The following IBTK variants were observed in gnomAD, a reference collection of about 807,000 sequenced individuals.
IBTK encodes BTK-binding protein.
In IBTK, 83 loss-of-function variants were observed where a neutral mutation model predicts 154.9. The ratio of observed to expected loss-of-function variants is 0.54; its 90% CI spans 0.45 to 0.64. The LOEUF (loss-of-function observed/expected upper bound fraction) is 0.64, where lower values mean the gene tolerates loss of function less well. IBTK is among the 30% of genes least tolerant of loss of function. The pLI, the probability that IBTK is intolerant of heterozygous loss-of-function variation, is 0.00. For missense variants in IBTK, 1,332 were observed against 1,584.6 expected (o/e 0.84, Z 2.71); for synonymous variants, 515 against 536.1 (o/e 0.96, Z 0.54).
chr6:82,240,121 CAT>C, intron 2 of IBTK, 43 bp downstream of exon 2: 1 of 1,496,370 alleles, frequency 6.7e-7, no homozygotes, highest in Non-Finnish European at 9.1e-7. Context: ...TTAAGAAAAA[CAT>C]ATTCCAGACT....
intron 6 of IBTK, 109 bp downstream of exon 6, chr6:82,225,362 ATAAAGT>A: frequency 1.5e-6 from 1 of 678,440 alleles, no homozygotes; most frequent in Non-Finnish European, 2.4e-6. Flanking sequence ...ACCACTGAAG[ATAAAGT>A]TAAATAACAG....
At chr6:82,184,437 A>G (rs769623213) in intron 25 of IBTK, among the ~76,000 whole-genome samples, 1 of 152,248 alleles carries the variant, frequency 6.6e-6, no homozygotes, top group Non-Finnish European at 1.5e-5. Flanking sequence ...AAGCCAGGCC[A>G]CAAAGAAAAA....
intron 4 of IBTK, among the ~76,000 whole-genome samples, chr6:82,227,898 C>T (rs535028584): frequency 3.2e-4 from 48 of 151,244 alleles, no homozygotes; most frequent in African/African-American, 1.0e-3. Context: ...TTCCCACTTC[C>T]TTTTTCCTTA....
chr6:82,247,422 C>T (rs1336237454), intron 1 of IBTK, 140 bp downstream of exon 1: 1 of 395,174 alleles, frequency 2.5e-6, no homozygotes, highest in Non-Finnish European at 4.5e-6. Flanking sequence ...GCCTCGGGGC[C>T]ACAGAGTCCC....
intron 23 of IBTK, among the ~76,000 whole-genome samples, chr6:82,192,628 T>TC (rs1326083825): frequency 1.3e-5 from 2 of 151,420 alleles, no homozygotes; most frequent in Admixed American, 1.3e-4. Context: ...GCGCCTGTAA[T>TC]CCCAGCTACT....
intron 1 of IBTK, among the ~76,000 whole-genome samples, chr6:82,242,662 G>C (rs529565106): frequency 2.4e-4 from 37 of 152,090 alleles, no homozygotes; most frequent in African/African-American, 8.9e-4. Context: ...AAATGTGTTT[G>C]GGGGCCGAGC....
chr6:82,217,536 G>T (rs374203123), intron 10 of IBTK, among the ~76,000 whole-genome samples: 1 of 152,014 alleles, frequency 6.6e-6, no homozygotes, highest in African/African-American at 2.4e-5. Context: ...TATATTAAAT[G>T]TTTACAGACT....
At chr6:82,230,478 T>C (rs544988298) in intron 4 of IBTK, among the ~76,000 whole-genome samples, 99 of 152,230 alleles carry the variant, frequency 6.5e-4, no homozygotes, top group Admixed American at 1.0e-3. Flanking sequence ...TTGAAATGAA[T>C]GGAGCCAAAA....
At chr6:82,237,450 G>A (rs66688199) in intron 2 of IBTK, among the ~76,000 whole-genome samples, 35,912 of 150,086 alleles carry the variant, frequency 0.24, 4,291 homozygotes, top group African/African-American at 0.28. Flanking sequence ...CCCTGGGGGG[G>A]AAAAAAAAAG....
At chr6:82,227,381 G>T in intron 4 of IBTK, 79 bp from the exon 5 acceptor site, 1 of 813,534 alleles carries the variant, frequency 1.2e-6, no homozygotes, top group Non-Finnish European at 1.9e-6. Flanking sequence ...ATAGAATATT[G>T]TTAATTGTTT....
At chr6:82,230,910 T>G (rs1582248778) in intron 4 of IBTK, among the ~76,000 whole-genome samples, 1 of 152,256 alleles carries the variant, frequency 6.6e-6, no homozygotes, top group Non-Finnish European at 1.5e-5. Flanking sequence ...TACAATTACT[T>G]ACATTTAAGA....
Position 82,193,426 on chromosome 6 carries a change from T to A in IBTK, c.3338+1053A>T, listed in dbSNP as rs767759972. ...AAATATTTACCAATTTGTGTACTTA[T>A]GCAAAAAAAAAAATTGAAACTAATT... On this transcript the variant is annotated intron_variant, in intron 23 of 28. Coordinates refer to ENST00000306270, the MANE Select transcript of IBTK (RefSeq NM_015525.4). 6.3e-4 allele frequency among the ~76,000 whole-genome samples: 93 copies of A among 147,344 alleles called. 1 individual carries two copies. The highest frequency in any genetic ancestry group is 3.5e-3 in the Middle Eastern group (1 of 288).
chr6:82,170,298 A>T lies in IBTK; in HGVS notation c.*1127T>A, dbSNP rs968156428. On this transcript the variant is annotated 3_prime_UTR_variant, in exon 29 of 29. Coordinates refer to ENST00000306270, the MANE Select transcript of IBTK (RefSeq NM_015525.4). Reference sequence around the variant, plus strand: ...GCTTACATGTCTGCTGCTTTTGGGCAGAGTTAAACCTGACATATTGAGTCA... The same window carrying T: ...GCTTACATGTCTGCTGCTTTTGGGCTGAGTTAAACCTGACATATTGAGTCA... 6.6e-6 allele frequency: 1 copy of T among 152,634 alleles called. No homozygotes were observed. The highest frequency in any genetic ancestry group is 6.5e-5 in the Admixed American group (1 of 15,280). The allele number at this position is 152,634 out of a possible 1,614,324, so 9.5% of individuals were successfully genotyped here. A position where few individuals can be genotyped will look rare whatever the true frequency, so the allele number is the denominator to read the frequency against.
At chr6:82,203,773 G>A (rs770428069) in intron 17 of IBTK, among the ~76,000 whole-genome samples, 1 of 152,104 alleles carries the variant, frequency 6.6e-6, no homozygotes, top group Non-Finnish European at 1.5e-5. Flanking sequence ...TCACTTATAT[G>A]TATGTCTTAT....
intron 26 of IBTK, among the ~76,000 whole-genome samples, chr6:82,173,904 C>T (rs1768021961): frequency 6.6e-6 from 1 of 152,000 alleles, no homozygotes; most frequent in Non-Finnish European, 1.5e-5. Flanking sequence ...AATTGAGTCA[C>T]ACTGGCTATA....
At chr6:82,179,890 T>C (rs1030458416) in intron 26 of IBTK, among the ~76,000 whole-genome samples, 1 of 152,122 alleles carries the variant, frequency 6.6e-6, no homozygotes, top group Non-Finnish European at 1.5e-5. Context: ...AAAGGGGTAA[T>C]TAATAGTTTT....
intron 21 of IBTK, among the ~76,000 whole-genome samples, chr6:82,198,667 G>A (rs530015417): frequency 1.1e-4 from 16 of 152,074 alleles, no homozygotes; most frequent in Admixed American, 8.5e-4. Context: ...ACAGCTGATT[G>A]ACTATGAAGT....
chr6:82,188,251 A>T (rs1463638602), intron 25 of IBTK, among the ~76,000 whole-genome samples: 2 of 152,182 alleles, frequency 1.3e-5, no homozygotes, highest in Non-Finnish European at 2.9e-5. Flanking sequence ...AAAATAAAAC[A>T]CATATAGAGT....
rs1193978531 is a variant in IBTK at position 82,218,093 on chromosome 6, T to A, written c.1293A>T (p.Arg431=). The change falls in exon 10 of 29, where the codon CGA becomes CGT. Residue 431 remains arginine (R), a synonymous_variant. Coordinates refer to ENST00000306270, the MANE Select transcript of IBTK (RefSeq NM_015525.4). ...TGAAGACCTGACGTGGATAGGCCCA[T>A]CGACACTGCTTCAGAGAACTGTTGA... The part of the protein sequence containing the change: ...RSVNSSLKQC[R]WAYPRQVFIS... 1.9e-6 allele frequency: 3 copies of A among 1,598,940 alleles called. No homozygotes were observed. The African/African-American group carries it at 4.1e-5, about 22-fold the overall frequency.
Sources: allele counts gnomAD v4.1 joint callset (sites outside exome capture counted in the v4.1 genomes callset), GRCh38; gene constraint gnomAD v4.1.1; transcripts MANE v1.5; gene names NCBI Gene and HGNC (gene_info 2026-07-23, HGNC 2026-07-21).